ZNFX1: variants seen among roughly 807,000 people sequenced by gnomAD.
ZNFX1 encodes the protein NFX1-type zinc finger-containing protein 1.
ZNFX1 carries 78 observed loss-of-function variants against 179.8 expected under a neutral mutation model. That is an observed-to-expected ratio of 0.43 (90% CI 0.36 to 0.52). The LOEUF is 0.52. Among genes scored for constraint, ZNFX1 ranks in the 20% least tolerant of loss-of-function variants. The pLI is 0.00. For missense variants in ZNFX1, 1,927 were observed against 2,386.6 expected (o/e 0.81, Z 4.01); for synonymous variants, 848 against 868.5 (o/e 0.98, Z 0.42).
At position 49,248,777 on chromosome 20, in the gene ZNFX1, C is replaced by T; in HGVS notation, c.4247G>A (p.Cys1416Tyr). 2 of 1,614,150 alleles carry T rather than the reference C, an allele frequency of 1.2e-6. No homozygotes were observed. Among genetic ancestry groups the T allele is most frequent in the Non-Finnish European group, 1.7e-6 (2 of 1,180,042 alleles). ...LKCGHSQPVKCGHVEGLLYGG... is the reference protein window; with the variant it reads ...LKCGHSQPVKYGHVEGLLYGG... ...ATACAGGAGGCCTTCCACATGACCA[C>T]ATTTTACCGGTTGACTGTGCCCACA... The change falls in exon 14 of 14, where the codon TGT becomes TAT. Residue 1416 changes from cysteine to tyrosine, a missense_variant. Physicochemically the swap from Cys to Tyr is radical, Grantham distance 194 (BLOSUM62 -2). Coordinates refer to ENST00000396105, the MANE Select transcript of ZNFX1 (RefSeq NM_021035.3). This position sits in a 1 kb window ranked among gnomAD's most constrained non-coding sequence, Gnocchi z 4.6.
chr20:49,272,052 CCAGTACCAAATAA>C (rs1314887134), intron 2 of ZNFX1, among the ~76,000 whole-genome samples: 1 of 152,150 alleles, frequency 6.6e-6, no homozygotes, highest in Admixed American at 6.5e-5. Context: ...TAATCTCATG[CCAGTACCAAATAA>C]CAGTCAGAAC....
Position 49,251,612 on chromosome 20 carries a change from C to T in ZNFX1, c.3227G>A (p.Cys1076Tyr). ...FVRLNYQHRM[C>Y]PEIARLLTPH... Reference sequence around the variant, plus strand: ...GGTCAAAAGGCGGGCAATTTCAGGGCACATACGGTGCTGAAAAAACACATG... The same window carrying T: ...GGTCAAAAGGCGGGCAATTTCAGGGTACATACGGTGCTGAAAAAACACATG... Residue 1076 changes from cysteine to tyrosine, a missense_variant, in exon 13 of 14, where the codon TGC (cysteine) becomes TAC (tyrosine). Physicochemically the swap from Cys to Tyr is radical, Grantham distance 194 (BLOSUM62 -2). Transcript: ENST00000396105. The T allele has an allele frequency of 6.2e-7, 1 of 1,610,936 alleles. No homozygotes were observed. The highest frequency in any genetic ancestry group is 8.5e-7 in the Non-Finnish European group (1 of 1,178,550).
chr20:49,266,350 T>G, intron 3 of ZNFX1, 84 bp from the exon 4 acceptor site: 1 of 1,301,202 alleles, frequency 7.7e-7, no homozygotes. Context: ...TTTTTTAAAT[T>G]TAATATAATA....
chr20:49,248,343 T>G lies in ZNFX1; in HGVS notation c.4681A>C (p.Lys1561Gln). The change falls in exon 14 of 14, where the codon AAA (lysine) becomes CAA (glutamine). Residue 1561 changes from lysine to glutamine, a missense_variant. By Grantham distance (53) the Lys-to-Gln change is moderately conservative. Transcript: ENST00000396105. This position sits in a 1 kb window ranked among gnomAD's most constrained non-coding sequence, Gnocchi z 4.6. ...IGLCGEPCPK[K>Q]CRICHMDEVT... Reference sequence around the variant, plus strand: ...TCATCCATGTGGCAGATCCGGCATTTCTTGGGGCATGGCTCCCCACAGAGA... The same window carrying G: ...TCATCCATGTGGCAGATCCGGCATTGCTTGGGGCATGGCTCCCCACAGAGA... 1 of 1,613,872 alleles carries G rather than the reference T, an allele frequency of 6.2e-7. No homozygotes were observed.
chr20:49,255,989 G>A (rs974104639), intron 8 of ZNFX1, 42 bp from the exon 9 acceptor site: 1 of 1,604,574 alleles, frequency 6.2e-7, no homozygotes, highest in Middle Eastern at 1.8e-4. Flanking sequence ...CTGAGCAGAG[G>A]CAGGCTTGGT....
chr20:49,277,313 G>A (rs1981595794), intron 1 of ZNFX1, among the ~76,000 whole-genome samples: 1 of 151,796 alleles, frequency 6.6e-6, no homozygotes. Context: ...ATGTTATGGG[G>A]TCAGGGAGCG....
rs766385640 is a variant in ZNFX1, at chr20:49,248,064, C to T, written c.4960G>A (p.Ala1654Thr). The change falls in exon 14 of 14, where the codon GCA becomes ACA. Residue 1654 changes from alanine to threonine, a missense_variant. By Grantham distance (58) the Ala-to-Thr change is moderately conservative. Coordinates refer to ENST00000396105, the MANE Select transcript of ZNFX1 (RefSeq NM_021035.3). The surrounding 1 kb of genome is among the most constrained non-coding windows in gnomAD (Gnocchi z 4.6). Reference protein sequence around the residue: ...EIIKEKIQGSAGEIATSQERL... With the variant: ...EIIKEKIQGSTGEIATSQERL... ...TCCTGGCTGGTTGCTATTTCCCCTGCTGAGCCCTGGATCTTTTCCTTGATG... is the reference window on the plus strand; with the variant it reads ...TCCTGGCTGGTTGCTATTTCCCCTGTTGAGCCCTGGATCTTTTCCTTGATG... 6 of 1,614,226 alleles carry T rather than the reference C, an allele frequency of 3.7e-6. No individual in the cohort carries two copies. Among genetic ancestry groups the T allele is most frequent in the Non-Finnish European group, 4.2e-6 (5 of 1,180,054 alleles).
At chr20:49,264,627 T>C in intron 5 of ZNFX1, 89 bp downstream of exon 5, 1 of 1,523,928 alleles carries the variant, frequency 6.6e-7, no homozygotes, top group South Asian at 1.3e-5. Flanking sequence ...AGCCTCCAAA[T>C]CTACCCTGGG....
Position 49,255,998 on chromosome 20 carries a change from G to A in ZNFX1, c.2665-51C>T. ...TACTGTCTGAGCAGAGGCAGGCTTG[G>A]TTTTAAGCCCAAGGCAGGGGTCACA... On this transcript the variant is annotated intron_variant, in intron 8 of 13. Transcript: ENST00000396105. The A allele has an allele frequency of 3.1e-6, 5 of 1,599,074 alleles. 1 individual carries two copies. The South Asian group carries it at 5.6e-5, about 18-fold the overall frequency.
At chr20:49,255,498 T>TTTC (rs149939274) in intron 9 of ZNFX1, among the ~76,000 whole-genome samples, 1 of 151,462 alleles carries the variant, frequency 6.6e-6, no homozygotes, top group East Asian at 1.9e-4. Context: ...CTCTCTGTTC[T>TTTC]TTTCTGAGTT....
intron 2 of ZNFX1, 146 bp downstream of exon 2, chr20:49,275,633 A>G: frequency 1.3e-6 from 1 of 765,596 alleles, no homozygotes; most frequent in East Asian, 2.7e-5. Context: ...CTAGGATTAT[A>G]GGCTTGAGCC....
At chr20:49,258,364 A>G (rs1981025198) in intron 7 of ZNFX1, among the ~76,000 whole-genome samples, 1 of 152,142 alleles carries the variant, frequency 6.6e-6, no homozygotes, top group Admixed American at 6.5e-5. Context: ...CTGGGATTAC[A>G]GGTGTGAGCC....
intron 7 of ZNFX1, among the ~76,000 whole-genome samples, chr20:49,257,879 T>G (rs1981010910): frequency 6.6e-6 from 1 of 151,442 alleles, no homozygotes; most frequent in African/African-American, 2.4e-5. Flanking sequence ...TTTTGTAGGC[T>G]AATTTTGTAT....
intron 2 of ZNFX1, among the ~76,000 whole-genome samples, chr20:49,273,944 A>C (rs1334605558): frequency 2.0e-5 from 3 of 152,138 alleles, no homozygotes; most frequent in Non-Finnish European, 4.4e-5. Flanking sequence ...CAAAAAACAA[A>C]CCATTCACAT....
Position 49,248,416 on chromosome 20 carries a change from G to C in ZNFX1, c.4608C>G (p.Cys1536Trp). 1.9e-6 allele frequency: 3 copies of C among 1,609,112 alleles called. No individual in the cohort carries two copies. The highest frequency in any genetic ancestry group is 2.5e-6 in the Non-Finnish European group (3 of 1,176,756). Residue 1536 changes from cysteine (C) to tryptophan (W), a missense_variant, in exon 14 of 14, where the codon TGC (cysteine) becomes TGG (tryptophan). Cys to Trp is a radical substitution (Grantham distance 215). Coordinates refer to ENST00000396105, the MANE Select transcript of ZNFX1 (RefSeq NM_021035.3). The surrounding 1 kb of genome is among the most constrained non-coding windows in gnomAD (Gnocchi z 4.6). Reference protein sequence around the residue: ...LCSEPCNRPPCYVPCTKLLVC... With the variant: ...LCSEPCNRPPWYVPCTKLLVC... ...CTAGCAGCTTAGTACAAGGCACATA[G>C]CATGGGGGTCGGTTGCAGGGCTCAG...
intron 10 of ZNFX1, 54 bp from the exon 11 acceptor site, chr20:49,253,865 A>G (rs1256535208): frequency 1.2e-6 from 2 of 1,601,112 alleles, no homozygotes; most frequent in Non-Finnish European, 1.7e-6. Context: ...CAGGACCCAC[A>G]GGGCCACTGG....
chr20:49,274,483 C>A lies in ZNFX1; in HGVS notation c.61+1296G>T, dbSNP rs570081887. ...TGAAAAAATAAATTTCAAGGCCAGGCACAGTGGCTCACGCCTGTAATGCTA... is the reference window on the plus strand; with the variant it reads ...TGAAAAAATAAATTTCAAGGCCAGGAACAGTGGCTCACGCCTGTAATGCTA... On this transcript the variant is annotated intron_variant, in intron 2 of 13. Coordinates refer to ENST00000396105, the MANE Select transcript of ZNFX1 (RefSeq NM_021035.3). Among the ~76,000 whole-genome samples the A allele has an allele frequency of 5.3e-5, 8 of 152,322 alleles. 1 individual carries two copies. In the South Asian group the frequency reaches 1.7e-3, roughly 32 times the overall value.
At chr20:49,262,483 T>C (rs1461208957) in intron 6 of ZNFX1, among the ~76,000 whole-genome samples, 2 of 151,786 alleles carry the variant, frequency 1.3e-5, no homozygotes, top group African/African-American at 2.4e-5. Flanking sequence ...TCAGGAGCTA[T>C]GGCAGCAATG....
In ZNFX1 at chr20:49,270,917, GT is replaced by G; in HGVS notation, c.894del (p.Gln299ArgfsTer16). 1 of 1,614,124 alleles carries G rather than the reference GT, an allele frequency of 6.2e-7. No homozygotes were observed. ...EEETEKNLEK[V>X]QTIIEHLQEK... ...TCCTGCAGATGTTCAATGATAGTCT[GT>G]ACCTTTTCCAGGTTCTTCTCCGTTT... On this transcript the variant is annotated frameshift_variant, in exon 3 of 14. Coordinates refer to ENST00000396105, the MANE Select transcript of ZNFX1 (RefSeq NM_021035.3). LOFTEE classifies it high-confidence loss of function. The surrounding 1 kb of genome is among the most constrained non-coding windows in gnomAD (Gnocchi z 4.6).
Sources: gnomAD v4.1 joint callset for allele counts (sites outside exome capture counted in the v4.1 genomes callset) on GRCh38, gnomAD v4.1.1 for gene constraint, Gnocchi (gnomAD v3.1) non-coding constraint, MANE v1.5 for transcripts, NCBI Gene and HGNC (gene_info 2026-07-23, HGNC 2026-07-21) for gene names.